The following PTPRN2 variants were observed in gnomAD, a reference collection of about 807,000 sequenced individuals.
The protein encoded by PTPRN2 is protein tyrosine phosphatase receptor type N2.
Under a neutral mutation model 118.8 loss-of-function variants are expected in PTPRN2, and 74 were observed. That is an observed-to-expected ratio of 0.62 (90% CI 0.52 to 0.76). The LOEUF (loss-of-function observed/expected upper bound fraction) is 0.76. PTPRN2 is among the 30% of genes least tolerant of loss of function. PTPRN2 has a pLI of 0.00. For missense variants in PTPRN2, 1,481 were observed against 1,394.4 expected, an observed-to-expected ratio of 1.06 and a Z score of -0.99; for synonymous variants, 641 against 608.0, an observed-to-expected ratio of 1.05 and a Z score of -0.80.
intron 11 of PTPRN2, among the ~76,000 whole-genome samples, chr7:158,055,236 A>C (rs1809695479): frequency 6.6e-6 from 1 of 152,208 alleles, no homozygotes; most frequent in African/African-American, 2.4e-5. Flanking sequence ...GGACACAGTG[A>C]GAAGTGACCA....
At position 157,971,718 on chromosome 7, in the gene PTPRN2, G is replaced by A. The variant is rs564441159; in HGVS notation, c.1724-72981C>T. On this transcript the variant is annotated intron_variant, in intron 11 of 22. Transcript: ENST00000389418. ...AAGAAAGAAAGAAAAAAAACCCACCGTTTTAGAATGCAGTAATGAGAGCAT... is the reference window on the plus strand; with the variant it reads ...AAGAAAGAAAGAAAAAAAACCCACCATTTTAGAATGCAGTAATGAGAGCAT... 5.3e-5 allele frequency among the ~76,000 whole-genome samples: 8 copies of A among 152,034 alleles called. No homozygotes were observed. The East Asian group carries it at 5.8e-4, about 11-fold the overall frequency.
chr7:158,126,939 C>A (rs1398467803), intron 9 of PTPRN2, among the ~76,000 whole-genome samples: 10 of 152,206 alleles, frequency 6.6e-5, no homozygotes, highest in African/African-American at 2.4e-4. Flanking sequence ...TCCAACTGAA[C>A]CCCCACAGAG....
At position 157,752,006 on chromosome 7, in the gene PTPRN2, T is replaced by A. The variant is rs1801499789; in HGVS notation, c.1789-69069A>T. On this transcript the variant is annotated intron_variant, in intron 12 of 22. Transcript: ENST00000389418. ...CGGCCTTGCGAGACTCCCATTCCGA[T>A]TTCTTGACCCCTGAGGGTAGATATG... Among the ~76,000 whole-genome samples the A allele has an allele frequency of 2.0e-5, 3 of 152,132 alleles. No homozygotes were observed. The South Asian group carries it at 6.2e-4, about 32-fold the overall frequency.
At chr7:158,338,338 C>T (rs1195391654) in intron 2 of PTPRN2, among the ~76,000 whole-genome samples, 5 of 13,296 alleles carry the variant, frequency 3.8e-4, no homozygotes, top group African/African-American at 1.1e-3. Flanking sequence ...CACCCGCAGA[C>T]GTCACTCACA....
intron 1 of PTPRN2, chr7:158,541,703 A>G (rs2129449554): frequency 8.0e-7 from 1 of 1,256,218 alleles, no homozygotes; most frequent in Non-Finnish European, 1.0e-6. Flanking sequence ...TAAGTGAACT[A>G]AAGAAAATTA....
intron 14 of PTPRN2, among the ~76,000 whole-genome samples, chr7:157,655,105 G>T (rs533424119): frequency 1.3e-5 from 2 of 152,248 alleles, no homozygotes; most frequent in African/African-American, 4.8e-5. Flanking sequence ...TGAACACCTC[G>T]GGTTTGATTT....
intron 2 of PTPRN2, among the ~76,000 whole-genome samples, chr7:158,380,974 A>G (rs10949721): frequency 0.88 from 134,098 of 152,136 alleles, 60,563 homozygotes; most frequent in Non-Finnish European, 0.97. Context: ...TTCAGCCACA[A>G]CTGGAGCAGC....
intron 12 of PTPRN2, among the ~76,000 whole-genome samples, chr7:157,722,771 C>G (rs13241464): frequency 0.58 from 88,241 of 151,852 alleles, 26,261 homozygotes; most frequent in Non-Finnish European, 0.62. Context: ...CAGCAGGGGC[C>G]CAGTCTGTCA....
intron 2 of PTPRN2, among the ~76,000 whole-genome samples, chr7:158,443,045 T>TAA (rs536101228): frequency 0.025 from 3,373 of 136,862 alleles, 101 homozygotes; most frequent in East Asian, 0.084. Flanking sequence ...AAATAAGTAT[T>TAA]AAAAAAAAAA....
rs540454673 is a variant in PTPRN2, at chr7:158,131,516, G to A, written c.1556+2161C>T. Among the ~76,000 whole-genome samples the A allele has an allele frequency of 2.2e-4, 32 of 143,110 alleles. No homozygotes were observed. In the East Asian group the frequency reaches 5.6e-3, roughly 25 times the overall value. 93.9% of individuals were successfully genotyped at this position (143,110 alleles called of 152,430 possible). On this transcript the variant is annotated intron_variant, in intron 9 of 22. Coordinates refer to ENST00000389418, the MANE Select transcript of PTPRN2 (RefSeq NM_002847.5). Reference sequence around the variant, plus strand: ...CACACAAACCAATACACATCTACCCGACACACACACTCATACACACACACG... The same window carrying A: ...CACACAAACCAATACACATCTACCCAACACACACACTCATACACACACACG...
intron 2 of PTPRN2, among the ~76,000 whole-genome samples, chr7:158,380,185 T>C (rs1810861123): frequency 6.6e-6 from 1 of 152,110 alleles, no homozygotes; most frequent in Non-Finnish European, 1.5e-5. Flanking sequence ...ACCAATCATA[T>C]CTTCCCAACA....
At chr7:157,725,249 T>G (rs369256841) in intron 12 of PTPRN2, among the ~76,000 whole-genome samples, 1 of 81,994 alleles carries the variant, frequency 1.2e-5, no homozygotes, top group African/African-American at 6.1e-5. Context: ...GATATCCACA[T>G]GCAGAGGAGT....
At chr7:158,190,267 C>T (rs1445676626) in intron 5 of PTPRN2, among the ~76,000 whole-genome samples, 2 of 152,146 alleles carry the variant, frequency 1.3e-5, no homozygotes, top group African/African-American at 4.8e-5. Flanking sequence ...GGTGGAGGAG[C>T]CTCTGACCCA....
intron 6 of PTPRN2, among the ~76,000 whole-genome samples, chr7:158,162,902 G>A (rs1822493939): frequency 6.6e-6 from 1 of 152,214 alleles, no homozygotes; most frequent in Non-Finnish European, 1.5e-5. Context: ...AGGGTCTCAT[G>A]TTGGACCCGA....
chr7:158,218,632 T>C (rs186374157), intron 3 of PTPRN2, among the ~76,000 whole-genome samples: 7 of 152,306 alleles, frequency 4.6e-5, no homozygotes, highest in East Asian at 1.9e-4. Context: ...TTAAAAGGCA[T>C]AGATTGACAA....
At chr7:157,981,880 C>T (rs945045391) in intron 11 of PTPRN2, among the ~76,000 whole-genome samples, 2 of 152,284 alleles carry the variant, frequency 1.3e-5, no homozygotes, top group African/African-American at 4.8e-5. Context: ...AGCCCTTACG[C>T]CAGGTGCCAC....
chr7:158,487,008 A>G (rs1478726771), intron 2 of PTPRN2, among the ~76,000 whole-genome samples: 1 of 152,188 alleles, frequency 6.6e-6, no homozygotes, highest in Non-Finnish European at 1.5e-5. Context: ...AGTACGTCAC[A>G]TGCGTGGAAT....
chr7:158,094,857 C>CCCTCA (rs1814504861), intron 10 of PTPRN2, among the ~76,000 whole-genome samples: 1 of 152,176 alleles, frequency 6.6e-6, no homozygotes, highest in African/African-American at 2.4e-5. Flanking sequence ...TCCCCACCAT[C>CCCTCA]CCTCAGGGTC....
At chr7:158,469,651 C>T (rs563094818) in intron 2 of PTPRN2, among the ~76,000 whole-genome samples, 19 of 148,852 alleles carry the variant, frequency 1.3e-4, no homozygotes, top group Non-Finnish European at 2.4e-4. Flanking sequence ...CAAATGAGAA[C>T]GACAACAGCA....
Sources: allele counts gnomAD v4.1 joint callset (sites outside exome capture counted in the v4.1 genomes callset), GRCh38; gene constraint gnomAD v4.1.1; transcripts MANE v1.5; gene names NCBI Gene and HGNC (gene_info 2026-07-23, HGNC 2026-07-21).